Variants in PIEZO2 observed in about 807,000 individuals in gnomAD.
PIEZO2 encodes piezo type mechanosensitive ion channel component 2, also known as piezo-type mechanosensitive ion channel component 2.
A neutral mutation model predicts 337.3 loss-of-function variants in PIEZO2; 172 were observed. The observed-to-expected ratio is 0.51, with a 90% CI of 0.45 to 0.58. The LOEUF (loss-of-function observed/expected upper bound fraction) is 0.58, where lower values mean the gene tolerates loss of function less well. Among genes scored for constraint, PIEZO2 ranks in the 20% least tolerant of loss-of-function variants. The pLI is 0.00. For synonymous variants in PIEZO2, 1,251 were observed against 1,228.5 expected (o/e 1.02, Z -0.38); for missense variants, 3,028 against 3,391.3 (o/e 0.89, Z 2.66).
chr18:11,036,877 C>T (rs980696559), intron 2 of PIEZO2, among the ~76,000 whole-genome samples: 7 of 152,120 alleles, frequency 4.6e-5, no homozygotes, highest in Non-Finnish European at 7.3e-5. Flanking sequence ...GTTAAAATCC[C>T]GTAATTATAT....
chr18:10,757,097 A>G (rs2037899183), intron 27 of PIEZO2, among the ~76,000 whole-genome samples: 1 of 135,186 alleles, frequency 7.4e-6, no homozygotes, highest in Non-Finnish European at 1.6e-5. Flanking sequence ...GGAATGGAGG[A>G]TGGGGAGGAG....
In PIEZO2 at chr18:10,857,184, C is replaced by T. The variant is rs771065934; in HGVS notation, c.520G>A (p.Glu174Lys). The T allele has an allele frequency of 5.2e-6, 8 of 1,537,854 alleles. No homozygotes were observed. The highest frequency in any genetic ancestry group is 7.0e-6 in the Non-Finnish European group (8 of 1,147,038). ...AAATCCTCTTCATAGATCAGTGCCT[C>T]TTCTGAATCAATTTTTTCTCCTTCA... ...LAEGEKIDSE[E>K]ALIYEEDFNG... Residue 174 changes from glutamate (E) to lysine (K), a missense_variant, in exon 6 of 56, where the codon GAG becomes AAG. Glu to Lys is a moderately conservative substitution (Grantham distance 56). Around this residue, in one of 5 missense-constraint regions of PIEZO2, gnomAD observed 542 missense variants for 605.6 expected, o/e 0.89. Transcript: ENST00000674853.
chr18:11,024,942 G>GTT (rs554949643), intron 2 of PIEZO2, among the ~76,000 whole-genome samples: 1 of 144,026 alleles, frequency 6.9e-6, no homozygotes. Context: ...CCCAGCGAAG[G>GTT]TTTTTTTTTT....
chr18:11,020,880 TTTC>T (rs1222812568), intron 2 of PIEZO2, among the ~76,000 whole-genome samples: 4 of 152,236 alleles, frequency 2.6e-5, no homozygotes, highest in Non-Finnish European at 5.9e-5. Context: ...CTTAAAGTTA[TTTC>T]TTAATTATCT....
At chr18:10,698,879 C>T in intron 44 of PIEZO2, 46 bp downstream of exon 44, 1 of 1,529,908 alleles carries the variant, frequency 6.5e-7, no homozygotes, top group Non-Finnish European at 8.7e-7. Context: ...AAAACAAGGC[C>T]ACCTGGGAGC....
At chr18:11,086,518 C>T (rs1318147966) in intron 1 of PIEZO2, among the ~76,000 whole-genome samples, 1 of 125,436 alleles carries the variant, frequency 8.0e-6, no homozygotes, top group Non-Finnish European at 1.7e-5. Flanking sequence ...GACTCCGTCT[C>T]AAAAAAAAAA....
At chr18:10,841,972 A>G (rs1289991527) in intron 7 of PIEZO2, among the ~76,000 whole-genome samples, 2 of 152,148 alleles carry the variant, frequency 1.3e-5, no homozygotes, top group African/African-American at 2.4e-5. Context: ...CCTGGCCAAC[A>G]TGGTGAAACT....
chr18:10,926,966 C>T (rs973917903), intron 3 of PIEZO2, among the ~76,000 whole-genome samples: 3 of 152,252 alleles, frequency 2.0e-5, no homozygotes, highest in South Asian at 4.1e-4. Flanking sequence ...GCCGCACAAG[C>T]TCTTCCTATC....
rs552790391 is a variant in PIEZO2, at chr18:10,795,057, C to G, written c.1528-55G>C. The stretch of plus-strand genomic sequence containing the variant: ...ATGGTCAATACAATGCTCAGTCCCC[C>G]CCGCCCTGGTAAGGTAAAAACTATC... On this transcript the variant is annotated intron_variant, in intron 12 of 55. Transcript: ENST00000674853. This position sits in a 1 kb window ranked among gnomAD's most constrained non-coding sequence, Gnocchi z 4.4. 5 of 1,393,082 alleles carry G rather than the reference C, an allele frequency of 3.6e-6. No homozygotes were observed. The highest frequency in any genetic ancestry group is 2.5e-5 in the South Asian group (2 of 80,046). 86.3% of individuals were successfully genotyped at this position (1,393,082 alleles called of 1,614,324 possible).
intron 3 of PIEZO2, among the ~76,000 whole-genome samples, chr18:10,934,629 G>T (rs1231235780): frequency 7.1e-6 from 1 of 140,518 alleles, no homozygotes; most frequent in African/African-American, 2.7e-5. Context: ...TGTCAGTATT[G>T]TGTGTACGTG....
intron 16 of PIEZO2, 130 bp from the exon 17 acceptor site, chr18:10,785,087 T>C (rs2039172172): frequency 3.3e-6 from 3 of 916,174 alleles, no homozygotes; most frequent in African/African-American, 3.3e-5. Flanking sequence ...CTCTCTCCCA[T>C]ATGGTCCAAT....
intron 2 of PIEZO2, among the ~76,000 whole-genome samples, chr18:10,984,619 T>C (rs1251498686): frequency 2.0e-5 from 3 of 152,110 alleles, no homozygotes; most frequent in Non-Finnish European, 2.9e-5. Flanking sequence ...TGAACCCATA[T>C]AAACACTGGT....
At position 10,671,870 on chromosome 18, in the gene PIEZO2, C is replaced by T. The variant is rs1269533599; in HGVS notation, c.8346-91G>A. The T allele has an allele frequency of 1.3e-5, 16 of 1,195,512 alleles. No homozygotes were observed. The Admixed American group carries it at 4.4e-4, about 33-fold the overall frequency. The allele number at this position is 1,195,512 out of a possible 1,614,324, so 74.1% of individuals were successfully genotyped here. ...CTAAAAGAAAAAAATATTACTTTCC[C>T]TCAAATTCTGTAGAAGAAATAAGCA... On this transcript the variant is annotated intron_variant, in intron 55 of 55. Coordinates refer to ENST00000674853, the MANE Select transcript of PIEZO2 (RefSeq NM_001378183.1).
At chr18:10,908,481 T>C (rs985068185) in intron 4 of PIEZO2, 3 of 152,204 alleles carry the variant, frequency 2.0e-5, no homozygotes, top group Non-Finnish European at 4.4e-5. Flanking sequence ...AATTTCCCTT[T>C]AAGAGAAAGA....
Position 10,846,231 on chromosome 18 carries a change from G to A in PIEZO2, c.917+9122C>T, listed in dbSNP as rs940829151. On this transcript the variant is annotated intron_variant, in intron 7 of 55. Transcript: ENST00000674853. This position sits in a 1 kb window ranked among gnomAD's most constrained non-coding sequence, Gnocchi z 4.1. ...CATGGCAGAAGGCAAGGAGGAGCAA[G>A]TCACATCTTACACAGATGGCAGCAG... Among the ~76,000 whole-genome samples the A allele has an allele frequency of 3.9e-5, 6 of 152,196 alleles. No individual in the cohort carries two copies. The highest frequency in any genetic ancestry group is 5.9e-5 in the Non-Finnish European group (4 of 68,048).
chr18:10,868,632 T>C (rs368018755), intron 5 of PIEZO2, among the ~76,000 whole-genome samples: 2 of 151,800 alleles, frequency 1.3e-5, no homozygotes, highest in African/African-American at 4.9e-5. Context: ...GTCCATCTTA[T>C]TGTTATCTTT....
Position 10,787,687 on chromosome 18 carries a change from T to C in PIEZO2, c.2170-503A>G, listed in dbSNP as rs543266008. On this transcript the variant is annotated intron_variant, in intron 15 of 55. Coordinates refer to ENST00000674853, the MANE Select transcript of PIEZO2 (RefSeq NM_001378183.1). ...CATTAGAGAACATCCATCCTGAATTTTTAAGAGTATTCAAAAGTTCACTGA... is the reference window on the plus strand; with the variant it reads ...CATTAGAGAACATCCATCCTGAATTCTTAAGAGTATTCAAAAGTTCACTGA... 3.3e-5 allele frequency among the ~76,000 whole-genome samples: 5 copies of C among 152,366 alleles called. No individual in the cohort carries two copies. In the South Asian group the frequency reaches 1.0e-3, roughly 32 times the overall value.
chr18:10,910,319 C>T (rs1202280865), intron 4 of PIEZO2, among the ~76,000 whole-genome samples: 15 of 152,202 alleles, frequency 9.9e-5, no homozygotes, highest in South Asian at 2.1e-4. Flanking sequence ...CAGTGGCTCA[C>T]GCCTGTCATC....
chr18:10,971,098 C>T (rs1323125105), intron 3 of PIEZO2, among the ~76,000 whole-genome samples: 2 of 152,164 alleles, frequency 1.3e-5, no homozygotes, highest in Non-Finnish European at 2.9e-5. Flanking sequence ...TATCTCACCA[C>T]TCAGCCATGG....
Sources: allele counts gnomAD v4.1 joint callset (sites outside exome capture counted in the v4.1 genomes callset), GRCh38; gene constraint gnomAD v4.1.1; regional missense constraint gnomAD v4.1.1; non-coding constraint Gnocchi (gnomAD v3.1); transcripts MANE v1.5; gene names NCBI Gene and HGNC (gene_info 2026-07-23, HGNC 2026-07-21).